PRKD1: variants seen among roughly 807,000 people sequenced by gnomAD.
PRKD1 encodes serine/threonine-protein kinase D1.
PRKD1 carries 63 observed loss-of-function variants against 95.9 expected under a neutral mutation model. That is an observed-to-expected ratio of 0.66 (90% confidence interval 0.54 to 0.81). The LOEUF is 0.81. Ranked by LOEUF, PRKD1 falls within the 30% of genes least tolerant of loss-of-function variation. The probability of loss-of-function intolerance (pLI) is 0.00; values close to 1 mark genes in which losing one functional copy is unlikely to be tolerated. For missense variants in PRKD1, 1,048 were observed against 1,165.3 expected (o/e 0.90, Z 1.47); for synonymous variants, 425 against 423.1 (o/e 1.00, Z -0.05).
chr14:29,827,638 A>G (rs1891249768), intron 1 of PRKD1, among the ~76,000 whole-genome samples: 1 of 152,198 alleles, frequency 6.6e-6, no homozygotes, highest in African/African-American at 2.4e-5. Context: ...AAAAGACTCC[A>G]TGGTGATTCA....
chr14:29,847,030 T>C (rs1424482030), intron 1 of PRKD1, among the ~76,000 whole-genome samples: 2 of 152,134 alleles, frequency 1.3e-5, no homozygotes, highest in Non-Finnish European at 2.9e-5. Context: ...GATAATCTGA[T>C]TGGCCCAGTT....
rs767708790 is a variant in PRKD1, at chr14:29,638,584, C to A, written c.908-18G>T. 5 of 1,613,904 alleles carry A rather than the reference C, an allele frequency of 3.1e-6. No homozygotes were observed. The highest frequency in any genetic ancestry group is 4.2e-6 in the Non-Finnish European group (5 of 1,179,816). On this transcript the variant is annotated intron_variant, in intron 5 of 17. Transcript: ENST00000331968. ...TCTGCAATCTAATCCCAGTGATTTT[C>A]AAACAAAACAAAATGAGAATTTGTC...
intron 1 of PRKD1, among the ~76,000 whole-genome samples, chr14:29,850,610 C>G (rs76355816): frequency 0.02 from 3,034 of 152,054 alleles, 94 homozygotes; most frequent in African/African-American, 0.069. Flanking sequence ...CACTCCTGCT[C>G]ATGGATTGGA....
chr14:29,760,080 T>G (rs886143062), intron 1 of PRKD1, among the ~76,000 whole-genome samples: 18 of 152,168 alleles, frequency 1.2e-4, no homozygotes, highest in African/African-American at 4.3e-4. Context: ...CAAGAATCAT[T>G]GTTTACTATT....
At chr14:29,923,741 T>C (rs1050162255) in intron 1 of PRKD1, among the ~76,000 whole-genome samples, 2 of 140,006 alleles carry the variant, frequency 1.4e-5, no homozygotes, top group African/African-American at 5.4e-5. Flanking sequence ...TCTAATAAGG[T>C]AATAACCAAA....
chr14:29,818,603 G>T (rs887056356), intron 1 of PRKD1, among the ~76,000 whole-genome samples: 1 of 135,874 alleles, frequency 7.4e-6, no homozygotes, highest in African/African-American at 2.7e-5. Context: ...AAACTGAAAA[G>T]AATACTTCAT....
chr14:29,735,364 G>A (rs1312303466), intron 1 of PRKD1, among the ~76,000 whole-genome samples: 1 of 152,148 alleles, frequency 6.6e-6, no homozygotes, highest in African/African-American at 2.4e-5. Context: ...TCCCTGATTA[G>A]AAAACAAATA....
At chr14:29,605,604 A>G (rs1210760421) in intron 13 of PRKD1, among the ~76,000 whole-genome samples, 3 of 152,024 alleles carry the variant, frequency 2.0e-5, no homozygotes, top group East Asian at 3.9e-4. Flanking sequence ...CACTTATCCT[A>G]CCATATTTGG....
chr14:29,907,358 A>G (rs1594618715), intron 1 of PRKD1, among the ~76,000 whole-genome samples: 1 of 152,252 alleles, frequency 6.6e-6, no homozygotes, highest in East Asian at 1.9e-4. Context: ...GCCCAGGTAT[A>G]ACAAAAGACT....
chr14:29,637,053 A>G (rs923451201), intron 6 of PRKD1, among the ~76,000 whole-genome samples: 1 of 152,208 alleles, frequency 6.6e-6, no homozygotes, highest in African/African-American at 2.4e-5. Context: ...AAAAGTCATG[A>G]AAAACCTTGG....
chr14:29,764,795 T>C (rs1888182500), intron 1 of PRKD1, among the ~76,000 whole-genome samples: 1 of 152,210 alleles, frequency 6.6e-6, no homozygotes, highest in Non-Finnish European at 1.5e-5. Flanking sequence ...ATTTAAATCA[T>C]AGCAACTGCA....
Position 29,632,878 on chromosome 14 carries a change from C to T in PRKD1, c.1383G>A (p.Arg461=). ...ITLFQNDTGS[R]YYKEIPLSEI... The stretch of plus-strand genomic sequence containing the variant: ...AAGAGCCCACTCTTACCTTGTAGTA[C>T]CTGCTTCCTGTGTCATTCTGAAAGA... Residue 461 remains arginine (R), a synonymous_variant, in exon 9 of 18, where the codon AGG becomes AGA. Coordinates refer to ENST00000331968, the MANE Select transcript of PRKD1 (RefSeq NM_002742.3). The T allele has an allele frequency of 6.2e-7, 1 of 1,612,000 alleles. No homozygotes were observed. The highest frequency in any genetic ancestry group is 1.1e-5 in the South Asian group (1 of 91,028).
intron 1 of PRKD1, among the ~76,000 whole-genome samples, chr14:29,880,002 G>A (rs1177683499): frequency 1.3e-5 from 2 of 152,154 alleles, no homozygotes; most frequent in African/African-American, 2.4e-5. Flanking sequence ...AGAGCATAAA[G>A]GTTCACAAAA....
intron 2 of PRKD1, among the ~76,000 whole-genome samples, chr14:29,682,993 G>A (rs1009113806): frequency 6.6e-6 from 1 of 152,214 alleles, no homozygotes; most frequent in South Asian, 2.1e-4. Context: ...TGTGTAGAGA[G>A]GCCTGGGTGC....
intron 2 of PRKD1, among the ~76,000 whole-genome samples, chr14:29,715,321 T>C (rs532831205): frequency 3.6e-4 from 55 of 152,018 alleles, no homozygotes; most frequent in African/African-American, 1.3e-3. Context: ...AGAACTTTTT[T>C]CAGATAGTGA....
chr14:29,815,918 T>A (rs895583973), intron 1 of PRKD1, among the ~76,000 whole-genome samples: 6 of 152,112 alleles, frequency 3.9e-5, no homozygotes, highest in Non-Finnish European at 8.8e-5. Flanking sequence ...AGCATTTTGA[T>A]AAACAACTTA....
chr14:29,634,456 C>T lies in PRKD1; in HGVS notation c.1276G>A (p.Glu426Lys). The stretch of plus-strand genomic sequence containing the variant: ...CTGGTGTAGTGGACCATCCATCCTT[C>T]TTTCATGACTGTGCTGCTTTTCCTC... ...TKRKSSTVMKEGWMVHYTSKD... is the reference protein window; with the variant it reads ...TKRKSSTVMKKGWMVHYTSKD... Residue 426 changes from glutamate to lysine, a missense_variant, in exon 8 of 18, where the codon GAA (glutamate) becomes AAA (lysine). Around this residue, in one of 3 missense-constraint regions of PRKD1, gnomAD observed 739 missense variants for 861.9 expected, o/e 0.86. Coordinates refer to ENST00000331968, the MANE Select transcript of PRKD1 (RefSeq NM_002742.3). 6.2e-7 allele frequency: 1 copy of T among 1,614,096 alleles called. No individual in the cohort carries two copies. Among genetic ancestry groups the T allele is most frequent in the Non-Finnish European group, 8.5e-7 (1 of 1,179,964 alleles).
At chr14:29,891,554 G>A (rs1349674580) in intron 1 of PRKD1, among the ~76,000 whole-genome samples, 3 of 151,982 alleles carry the variant, frequency 2.0e-5, no homozygotes, top group African/African-American at 7.3e-5. Flanking sequence ...CTTCTGTGAG[G>A]ACTTTTCTGG....
At chr14:29,663,409 C>T (rs995840992) in intron 4 of PRKD1, among the ~76,000 whole-genome samples, 3 of 151,946 alleles carry the variant, frequency 2.0e-5, no homozygotes, top group East Asian at 1.9e-4. Flanking sequence ...TTTTGACAAG[C>T]GATGTTTTGC....
Sources: gnomAD v4.1 joint callset for allele counts (sites outside exome capture counted in the v4.1 genomes callset) on GRCh38, gnomAD v4.1.1 for gene constraint, gnomAD v4.1.1 regional missense constraint, MANE v1.5 for transcripts, NCBI Gene and HGNC (gene_info 2026-07-23, HGNC 2026-07-21) for gene names.